The following ROR2 variants were observed in gnomAD, a reference collection of about 807,000 sequenced individuals.
ROR2 encodes ROR family WNT receptor 2.
Under a neutral mutation model 74.9 loss-of-function variants are expected in ROR2, and 33 were observed. That is an observed-to-expected ratio of 0.44 (90% CI 0.33 to 0.59). The LOEUF (loss-of-function observed/expected upper bound fraction) is 0.59, where lower values mean the gene tolerates loss of function less well. Ranked by LOEUF, ROR2 falls within the 20% of genes least tolerant of loss-of-function variation. The probability of loss-of-function intolerance (pLI) is 0.02; values close to 1 mark genes in which losing one functional copy is unlikely to be tolerated. For missense variants in ROR2, 1,216 were observed against 1,313.8 expected, an observed-to-expected ratio of 0.93 and a Z score of 1.15; for synonymous variants, 586 against 558.7, an observed-to-expected ratio of 1.05 and a Z score of -0.69.
intron 1 of ROR2, among the ~76,000 whole-genome samples, chr9:91,802,149 C>A (rs1827408306): frequency 7.0e-6 from 1 of 143,260 alleles, no homozygotes; most frequent in African/African-American, 2.6e-5. Flanking sequence ...TCTCCACTTA[C>A]TGCAAGCTCT....
chr9:91,909,838 G>GTTTTTTTTTTTTT (rs1278227036), intron 1 of ROR2, among the ~76,000 whole-genome samples: 17 of 63,196 alleles, frequency 2.7e-4, no homozygotes, highest in African/African-American at 7.1e-4. Context: ...TTTTTTTTAG[G>GTTTTTTTTTTTTT]TTTGTTTTGT....
In ROR2 at chr9:91,830,808, C is replaced by CTG. The variant is rs1563987406; in HGVS notation, c.98-54991_98-54990insCA. Among the ~76,000 whole-genome samples the CTG allele has an allele frequency of 2.3e-4, 20 of 88,030 alleles. No individual in the cohort carries two copies. In the South Asian group the frequency reaches 3.1e-3, roughly 14 times the overall value. The allele number at this position is 88,030 out of a possible 152,430, so 57.8% of individuals were successfully genotyped here. On this transcript the variant is annotated intron_variant, in intron 1 of 8. Coordinates refer to ENST00000375708, the MANE Select transcript of ROR2 (RefSeq NM_004560.4). ...TTTTACCAAAACTAAATAACTGTGTCCGTGTGTGTGTGTGTGTGTGTGTGT... is the reference window on the plus strand; with the variant it reads ...TTTTACCAAAACTAAATAACTGTGTCTGCGTGTGTGTGTGTGTGTGTGTGTGT...
intron 1 of ROR2, among the ~76,000 whole-genome samples, chr9:91,899,784 G>A (rs532766678): frequency 1.3e-5 from 2 of 151,874 alleles, no homozygotes; most frequent in South Asian, 2.1e-4. Flanking sequence ...CAACACATGC[G>A]CCACAATCCC....
intron 1 of ROR2, among the ~76,000 whole-genome samples, chr9:91,825,435 CAG>C (rs1246329010): frequency 2.0e-5 from 3 of 152,188 alleles, no homozygotes; most frequent in Non-Finnish European, 2.9e-5. Flanking sequence ...GAACATAAAA[CAG>C]AGTGCAATGT....
Position 91,724,870 on chromosome 9 carries a change from C to A in ROR2, c.1624G>T (p.Val542Leu), listed in dbSNP as rs140213020. 6.9e-6 allele frequency: 11 copies of A among 1,601,916 alleles called. No individual in the cohort carries two copies. The highest frequency in any genetic ancestry group is 1.7e-5 in the Admixed American group (1 of 59,622). Reference sequence around the variant, plus strand: ...CTCAGGGGCTGGTCCTTGGTCACCACGCCCAGCAGGCAGACGACGTTGGGG... The same window carrying A: ...CTCAGGGGCTGGTCCTTGGTCACCAAGCCCAGCAGGCAGACGACGTTGGGG... ...QHPNVVCLLGVVTKDQPLSMI... is the reference protein window; with the variant it reads ...QHPNVVCLLGLVTKDQPLSMI... The change falls in exon 9 of 9, where the codon GTG becomes TTG. Residue 542 changes from valine (V) to leucine (L), a missense_variant. Physicochemically the swap from Val to Leu is conservative, Grantham distance 32. Transcript: ENST00000375708.
At chr9:91,776,219 T>C (rs184216929) in intron 1 of ROR2, among the ~76,000 whole-genome samples, 14 of 152,260 alleles carry the variant, frequency 9.2e-5, no homozygotes, top group Admixed American at 3.3e-4. Flanking sequence ...TCCTGGTAAC[T>C]GGGTAATAAA....
At chr9:91,930,351 G>A (rs1477119241) in intron 1 of ROR2, among the ~76,000 whole-genome samples, 5 of 152,088 alleles carry the variant, frequency 3.3e-5, no homozygotes, top group Admixed American at 2.0e-4. Context: ...TTCTTTCCAC[G>A]CATTTACCCT....
chr9:91,890,655 T>C (rs183935477), intron 1 of ROR2, among the ~76,000 whole-genome samples: 1 of 152,324 alleles, frequency 6.6e-6, no homozygotes, highest in East Asian at 1.9e-4. Flanking sequence ...TCCCTTGAAT[T>C]TTCCAGTTTA....
chr9:91,753,751 T>C (rs998258171), intron 4 of ROR2, among the ~76,000 whole-genome samples: 1 of 152,154 alleles, frequency 6.6e-6, no homozygotes, highest in East Asian at 1.9e-4. Context: ...TACACTGAGA[T>C]GGAAAGATTT....
chr9:91,851,358 AAAAAAAAAAG>A (rs1829083508), intron 1 of ROR2, among the ~76,000 whole-genome samples: 1 of 151,886 alleles, frequency 6.6e-6, no homozygotes, highest in Non-Finnish European at 1.5e-5. Flanking sequence ...CGTCTCAAAA[AAAAAAAAAAG>A]AAAAGAAAAG....
chr9:91,904,268 G>A (rs1376452727), intron 1 of ROR2, among the ~76,000 whole-genome samples: 1 of 152,110 alleles, frequency 6.6e-6, no homozygotes, highest in African/African-American at 2.4e-5. Flanking sequence ...AAGGATCCCG[G>A]GGTGAGGAGG....
At chr9:91,919,354 T>C (rs959590442) in intron 1 of ROR2, among the ~76,000 whole-genome samples, 98 of 152,332 alleles carry the variant, frequency 6.4e-4, no homozygotes, top group African/African-American at 2.3e-3. Flanking sequence ...TTGACTGTTC[T>C]TTCTTTAAAT....
intron 1 of ROR2, among the ~76,000 whole-genome samples, chr9:91,878,441 T>G (rs1448680971): frequency 6.6e-6 from 1 of 152,214 alleles, no homozygotes; most frequent in African/African-American, 2.4e-5. Context: ...TAGGTCCTCA[T>G]GGTGTTTCAT....
chr9:91,922,280 G>A (rs1831290437), intron 1 of ROR2, among the ~76,000 whole-genome samples: 1 of 151,824 alleles, frequency 6.6e-6, no homozygotes, highest in Non-Finnish European at 1.5e-5. Context: ...CATGTGATCC[G>A]AAATTCTACT....
intron 1 of ROR2, among the ~76,000 whole-genome samples, chr9:91,938,334 A>G (rs1435357573): frequency 6.6e-6 from 1 of 152,152 alleles, no homozygotes. Context: ...GTTGGTAGCT[A>G]ATCCCAGCTA....
chr9:91,777,579 T>C (rs897462619), intron 1 of ROR2, among the ~76,000 whole-genome samples: 10 of 152,254 alleles, frequency 6.6e-5, no homozygotes, highest in Non-Finnish European at 1.3e-4. Flanking sequence ...TTTTAAAGTG[T>C]GCAATTGAGT....
intron 1 of ROR2, among the ~76,000 whole-genome samples, chr9:91,884,734 C>A (rs1045401312): frequency 6.6e-6 from 1 of 152,082 alleles, no homozygotes; most frequent in Non-Finnish European, 1.5e-5. Context: ...CATCCACAGA[C>A]CATAACATGT....
chr9:91,780,732 A>C (rs936427143), intron 1 of ROR2, among the ~76,000 whole-genome samples: 5 of 152,214 alleles, frequency 3.3e-5, no homozygotes, highest in Admixed American at 1.3e-4. Flanking sequence ...TGGAGGTTGC[A>C]GTGAGACAAG....
At chr9:91,814,324 T>C (rs1827854763) in intron 1 of ROR2, among the ~76,000 whole-genome samples, 1 of 152,186 alleles carries the variant, frequency 6.6e-6, no homozygotes, top group South Asian at 2.1e-4. Flanking sequence ...GCTCTGTCAC[T>C]TCCCCAGAGA....
Sources: gnomAD v4.1 joint callset for allele counts (sites outside exome capture counted in the v4.1 genomes callset) on GRCh38, gnomAD v4.1.1 for gene constraint, MANE v1.5 for transcripts, NCBI Gene and HGNC (gene_info 2026-07-23, HGNC 2026-07-21) for gene names.